Variants in PHYHIPL observed in about 807,000 individuals in gnomAD.
PHYHIPL encodes the protein phytanoyl-CoA hydroxylase-interacting protein-like.
PHYHIPL carries 9 observed loss-of-function variants against 33.4 expected under a neutral mutation model. The observed-to-expected ratio is 0.27, with a 90% CI of 0.16 to 0.47. The LOEUF (loss-of-function observed/expected upper bound fraction) is 0.47. Among genes scored for constraint, PHYHIPL ranks in the 20% least tolerant of loss-of-function variants. The probability of loss-of-function intolerance (pLI) is 0.99; values close to 1 mark genes in which losing one functional copy is unlikely to be tolerated. For missense variants in PHYHIPL, 365 were observed against 460.7 expected (o/e 0.79, Z 1.90); for synonymous variants, 153 against 154.1 (o/e 0.99, Z 0.05).
At chr10:59,217,572 A>G (rs186036317) in intron 1 of PHYHIPL, among the ~76,000 whole-genome samples, 4 of 151,996 alleles carry the variant, frequency 2.6e-5, no homozygotes, top group East Asian at 1.9e-4. Flanking sequence ...TAATATTCAT[A>G]TATTACCACT....
chr10:59,236,475 A>G lies in PHYHIPL; in HGVS notation c.304-8A>G. The G allele has an allele frequency of 6.6e-7, 1 of 1,515,340 alleles. No homozygotes were observed. The highest frequency in any genetic ancestry group is 2.0e-5 in the Admixed American group (1 of 51,088). The allele number at this position is 1,515,340 out of a possible 1,614,324, so 93.9% of individuals were successfully genotyped here. A position where few individuals can be genotyped will look rare whatever the true frequency, so the allele number is the denominator to read the frequency against. On this transcript the variant is annotated splice_polypyrimidine_tract_variant and splice_region_variant and intron_variant, in intron 2 of 4. Transcript: ENST00000373880. ...TTTTTCTCTCTCTCTTCCTTCTTTC[A>G]TTCCTAGGATGTTCCCACAAAATTG... is the stretch of plus-strand genomic sequence containing the variant.
intron 1 of PHYHIPL, chr10:59,206,696 AG>A (rs1839292397): frequency 1.3e-6 from 1 of 780,094 alleles, no homozygotes; most frequent in African/African-American, 1.8e-5. Flanking sequence ...TAAGGGAGAC[AG>A]AAAATTGTAA....
chr10:59,188,382 C>T (rs1371915949), intron 1 of PHYHIPL, among the ~76,000 whole-genome samples: 1 of 152,112 alleles, frequency 6.6e-6, no homozygotes. Flanking sequence ...GGCTTTACTT[C>T]CAACTATGTG....
intron 1 of PHYHIPL, among the ~76,000 whole-genome samples, chr10:59,197,844 C>T (rs2452510): frequency 0.012 from 1,836 of 152,172 alleles, 37 homozygotes; most frequent in African/African-American, 0.042. Context: ...GCTCCTCTTA[C>T]ATATTATTTA....
At chr10:59,244,073 A>G (rs1306699635) in intron 4 of PHYHIPL, among the ~76,000 whole-genome samples, 2 of 152,116 alleles carry the variant, frequency 1.3e-5, no homozygotes, top group Non-Finnish European at 2.9e-5. Context: ...CTCCTACTCT[A>G]TATATGCTGG....
intron 1 of PHYHIPL, among the ~76,000 whole-genome samples, chr10:59,212,454 A>G (rs2133241578): frequency 6.6e-6 from 1 of 152,298 alleles, no homozygotes; most frequent in South Asian, 2.1e-4. Context: ...CCACTTGTGT[A>G]ACAAGTAGCC....
chr10:59,234,840 G>T (rs1051066608), intron 2 of PHYHIPL, among the ~76,000 whole-genome samples: 3 of 151,802 alleles, frequency 2.0e-5, no homozygotes, highest in Non-Finnish European at 4.4e-5. Context: ...CCAAAGAAAA[G>T]ACTCATTTGT....
At chr10:59,177,690 A>G (rs1404487856) in intron 1 of PHYHIPL, 1 of 1,486,756 alleles carries the variant, frequency 6.7e-7, no homozygotes, top group Non-Finnish European at 9.2e-7. Context: ...TGTGGAAGGA[A>G]ATTGATTGAA....
At position 59,245,406 on chromosome 10, in the gene PHYHIPL, G is replaced by A. The variant is rs768228694; in HGVS notation, c.946G>A (p.Glu316Lys). Residue 316 changes from glutamate to lysine, a missense_variant, in exon 5 of 5, where the codon GAA becomes AAA. Transcript: ENST00000373880. ...KDNKFLTCTE[E>K]DGVLVYHHAQ... is the part of the protein sequence containing the mutation. The stretch of plus-strand genomic sequence containing the variant: ...TAATAAATTTTTGACCTGTACAGAA[G>A]AAGATGGGGTGCTGGTTTACCACCA... The A allele has an allele frequency of 6.2e-7, 1 of 1,614,150 alleles. No homozygotes were observed. Among genetic ancestry groups the A allele is most frequent in the Admixed American group, 1.7e-5 (1 of 60,024 alleles).
At chr10:59,230,883 G>C (rs1425687418) in intron 1 of PHYHIPL, among the ~76,000 whole-genome samples, 2 of 152,112 alleles carry the variant, frequency 1.3e-5, no homozygotes, top group Non-Finnish European at 2.9e-5. Context: ...TTTGTTGAAA[G>C]AGTTATCTGT....
intron 1 of PHYHIPL, among the ~76,000 whole-genome samples, chr10:59,195,080 A>G (rs2436574): frequency 0.046 from 7,022 of 152,292 alleles, 451 homozygotes; most frequent in African/African-American, 0.14. Flanking sequence ...GGATTTGTTA[A>G]AAGTGTTTTA....
rs1388603959 is a variant in PHYHIPL, at chr10:59,246,785, T to TA, written c.*1195dup. The TA allele has an allele frequency of 4.6e-5, 18 of 393,966 alleles. No individual in the cohort carries two copies. Among genetic ancestry groups the TA allele is most frequent in the Non-Finnish European group, 7.6e-5 (17 of 223,234 alleles). 24.4% of individuals were successfully genotyped at this position (393,966 alleles called of 1,614,324 possible). On this transcript the variant is annotated 3_prime_UTR_variant, in exon 5 of 5. Transcript: ENST00000373880. ...AAAATGTATATTCCCAATGAAAAAA[T>TA]AGTTATATCATCTTATAGTAAACCA...
At position 59,197,279 on chromosome 10, in the gene PHYHIPL, A is replaced by G. The variant is rs555246889; in HGVS notation, c.106+20320A>G. ...ACAAAATTTCCTTTATGATCTGGCC[A>G]TCACCAATCTTCTGTTCCTCCAGTC... is the stretch of plus-strand genomic sequence containing the variant. On this transcript the variant is annotated intron_variant, in intron 1 of 4. Transcript: ENST00000373880. Among the ~76,000 whole-genome samples, 5 of 152,330 alleles carry G rather than the reference A, an allele frequency of 3.3e-5. No individual in the cohort carries two copies. In the South Asian group the frequency reaches 8.3e-4, roughly 25 times the overall value.
intron 2 of PHYHIPL, 70 bp from the exon 3 acceptor site, chr10:59,236,409 CTTCT>C (rs766509488): frequency 2.2e-6 from 2 of 911,704 alleles, no homozygotes; most frequent in Non-Finnish European, 3.0e-6. Flanking sequence ...TCTCCCTTTT[CTTCT>C]TTCTTCACTT....
intron 1 of PHYHIPL, among the ~76,000 whole-genome samples, chr10:59,209,067 A>G (rs1186034739): frequency 2.0e-5 from 3 of 152,084 alleles, no homozygotes; most frequent in Non-Finnish European, 4.4e-5. Flanking sequence ...AAATTCAGGA[A>G]ATACAGAGAA....
chr10:59,245,789 C>T lies in PHYHIPL; in HGVS notation c.*198C>T. On this transcript the variant is annotated 3_prime_UTR_variant, in exon 5 of 5. Transcript: ENST00000373880. ...TATTCCCTACCCCTCCCACTACTTT[C>T]AATGATGAAATACCCTAAGTTAAGT... 1 of 555,064 alleles carries T rather than the reference C, an allele frequency of 1.8e-6. No homozygotes were observed. The highest frequency in any genetic ancestry group is 3.1e-6 in the Non-Finnish European group (1 of 323,024). The allele number at this position is 555,064 out of a possible 1,614,324, so 34.4% of individuals were successfully genotyped here. A position where few individuals can be genotyped will look rare whatever the true frequency, so the allele number is the denominator to read the frequency against.
Position 59,247,725 on chromosome 10 carries a change from C to T in PHYHIPL, c.*2134C>T, listed in dbSNP as rs1307021944. 6.2e-7 allele frequency: 1 copy of T among 1,610,096 alleles called. No individual in the cohort carries two copies. Among genetic ancestry groups the T allele is most frequent in the East Asian group, 2.2e-5 (1 of 44,696 alleles). ...CATCTGCCATTGGTATCCTATCTTC[C>T]TTTTGTGGACTTCTGCAAAACAAAA... is the stretch of plus-strand genomic sequence containing the variant. On this transcript the variant is annotated 3_prime_UTR_variant, in exon 5 of 5. Coordinates refer to ENST00000373880, the MANE Select transcript of PHYHIPL (RefSeq NM_032439.4).
At chr10:59,214,094 A>G (rs1839541086) in intron 1 of PHYHIPL, among the ~76,000 whole-genome samples, 1 of 152,172 alleles carries the variant, frequency 6.6e-6, no homozygotes. Context: ...GAGAAAAAAA[A>G]TTTAATTGAA....
At chr10:59,228,938 G>A (rs999466737) in intron 1 of PHYHIPL, among the ~76,000 whole-genome samples, 23 of 152,220 alleles carry the variant, frequency 1.5e-4, no homozygotes, top group Admixed American at 5.2e-4. Flanking sequence ...ATTATTCATT[G>A]TTTTCAAGGC....
Sources: allele counts gnomAD v4.1 joint callset (sites outside exome capture counted in the v4.1 genomes callset), GRCh38; gene constraint gnomAD v4.1.1; transcripts MANE v1.5; gene names NCBI Gene and HGNC (gene_info 2026-07-23, HGNC 2026-07-21).